The following TRPM7 variants were observed in gnomAD, a reference collection of about 807,000 sequenced individuals.
TRPM7 encodes the protein LTRPC ion channel family member 7.
TRPM7 carries 134 observed loss-of-function variants against 229.7 expected under a neutral mutation model. That is an observed-to-expected ratio of 0.58 (90% CI 0.51 to 0.67). TRPM7 has a LOEUF of 0.67. Among genes scored for constraint, TRPM7 ranks in the 30% least tolerant of loss-of-function variants. The pLI is 0.00. For synonymous variants in TRPM7, 699 were observed against 715.2 expected, an observed-to-expected ratio of 0.98 and a Z score of 0.36; for missense variants, 1,901 against 2,210.0, an observed-to-expected ratio of 0.86 and a Z score of 2.80.
intron 12 of TRPM7, among the ~76,000 whole-genome samples, chr15:50,620,978 T>G (rs2060381642): frequency 6.8e-6 from 1 of 147,566 alleles, no homozygotes; most frequent in South Asian, 2.2e-4. Flanking sequence ...GCTAACACGG[T>G]GAAACCCCGT....
chr15:50,562,840 TG>T (rs1236291762), intron 38 of TRPM7, among the ~76,000 whole-genome samples: 3 of 150,392 alleles, frequency 2.0e-5, no homozygotes, highest in Non-Finnish European at 3.0e-5. Flanking sequence ...AGATGGAAGA[TG>T]GTATAGGGTG....
chr15:50,604,554 G>A (rs1407993967), intron 21 of TRPM7: 1 of 159,592 alleles, frequency 6.3e-6, no homozygotes, highest in Non-Finnish European at 1.3e-5. Context: ...CTGGGTGACA[G>A]AGCGAAACTC....
intron 12 of TRPM7, among the ~76,000 whole-genome samples, chr15:50,620,144 T>C (rs539001879): frequency 3.3e-5 from 5 of 152,348 alleles, no homozygotes; most frequent in African/African-American, 1.2e-4. Flanking sequence ...CTGTCACTAA[T>C]AAAGTCATAT....
chr15:50,592,327 G>A lies in TRPM7; in HGVS notation c.3908C>T (p.Pro1303Leu). The change falls in exon 26 of 39, where the codon CCT becomes CTT. Residue 1303 changes from proline to leucine, a missense_variant. By Grantham distance (98) the Pro-to-Leu change is moderately conservative. Transcript: ENST00000646667. The part of the protein sequence containing the change: ...GVVNTLSSSL[P>L]QGDLESNNPF... The stretch of plus-strand genomic sequence containing the variant: ...ATTATTACTTTCAAGATCACCTTGA[G>A]GAAGAGAGGAGCTAAGTGTATTTAC... 6.2e-7 allele frequency: 1 copy of A among 1,613,994 alleles called. No individual in the cohort carries two copies.
intron 20 of TRPM7, 147 bp downstream of exon 20, chr15:50,607,053 G>T: frequency 1.8e-6 from 1 of 565,336 alleles, no homozygotes; most frequent in Non-Finnish European, 2.9e-6. Context: ...CCATTATTTT[G>T]GGAACAGCAA....
At position 50,605,150 on chromosome 15, in the gene TRPM7, G is replaced by T; in HGVS notation, c.2710-6C>A. The T allele has an allele frequency of 6.4e-7, 1 of 1,565,860 alleles. No individual in the cohort carries two copies. On this transcript the variant is annotated splice_polypyrimidine_tract_variant and splice_region_variant and intron_variant, in intron 20 of 38. Transcript: ENST00000646667. Reference sequence around the variant, plus strand: ...CCAGCTTCAGACATAAAGATCTAAAGGTTTAACAACAACAAAAAAAAGTGT... The same window carrying T: ...CCAGCTTCAGACATAAAGATCTAAATGTTTAACAACAACAAAAAAAAGTGT...
intron 21 of TRPM7, among the ~76,000 whole-genome samples, chr15:50,600,054 TATA>T (rs1342686140): frequency 2.0e-5 from 3 of 152,238 alleles, no homozygotes; most frequent in African/African-American, 7.2e-5. Flanking sequence ...AGCAGAATGC[TATA>T]ATAAAACTTC....
intron 1 of TRPM7, among the ~76,000 whole-genome samples, chr15:50,677,381 G>A (rs900778368): frequency 2.6e-5 from 4 of 151,946 alleles, no homozygotes; most frequent in Non-Finnish European, 5.9e-5. Context: ...CTCGGGGAGC[G>A]AGGGAGATCA....
intron 17 of TRPM7, 98 bp from the exon 18 acceptor site, chr15:50,610,059 A>G: frequency 5.3e-6 from 5 of 937,622 alleles, no homozygotes; most frequent in South Asian, 2.4e-5. Flanking sequence ...AAGATTTTAA[A>G]TATCTTGTGA....
intron 11 of TRPM7, 113 bp downstream of exon 11, chr15:50,628,036 T>C: frequency 1.4e-6 from 1 of 738,756 alleles, no homozygotes; most frequent in Non-Finnish European, 2.3e-6. Flanking sequence ...GCTAAACTAT[T>C]TTTGAACTAT....
intron 7 of TRPM7, 55 bp downstream of exon 7, chr15:50,637,367 C>CTA: frequency 6.6e-7 from 1 of 1,512,584 alleles, no homozygotes. Context: ...TTGAATTTGG[C>CTA]TATTAGTACA....
chr15:50,589,154 T>A (rs192760652), intron 27 of TRPM7, among the ~76,000 whole-genome samples: 76 of 152,124 alleles, frequency 5.0e-4, no homozygotes, highest in Non-Finnish European at 8.2e-4. Context: ...AAACCTCATC[T>A]CTACTAAAAA....
intron 4 of TRPM7, 88 bp downstream of exon 4, chr15:50,648,599 C>T: frequency 1.6e-6 from 2 of 1,222,168 alleles, no homozygotes; most frequent in Non-Finnish European, 2.2e-6. Flanking sequence ...TTACTGAGAC[C>T]AACTTTTTGT....
At chr15:50,658,491 G>C (rs1158409506) in intron 2 of TRPM7, among the ~76,000 whole-genome samples, 3 of 151,116 alleles carry the variant, frequency 2.0e-5, no homozygotes, top group African/African-American at 7.3e-5. Flanking sequence ...GATTCCTTGA[G>C]CATGGGAGGT....
intron 27 of TRPM7, among the ~76,000 whole-genome samples, chr15:50,587,740 GA>G (rs1270677267): frequency 6.6e-6 from 1 of 151,954 alleles, no homozygotes; most frequent in Admixed American, 6.6e-5. Context: ...TTTGTGTAAA[GA>G]AAAAGAAAAT....
At chr15:50,650,609 C>T (rs1208407341) in intron 3 of TRPM7, among the ~76,000 whole-genome samples, 2 of 151,926 alleles carry the variant, frequency 1.3e-5, no homozygotes, top group Non-Finnish European at 2.9e-5. Context: ...GCAGGAGAAT[C>T]GCTTGAACCT....
chr15:50,672,291 C>G (rs7170445), intron 1 of TRPM7, among the ~76,000 whole-genome samples: 20,913 of 151,814 alleles, frequency 0.14, 1,454 homozygotes, highest in Middle Eastern at 0.2. Flanking sequence ...GACCTCGTGA[C>G]GTGATCCGCC....
chr15:50,659,259 A>G (rs1310646613), intron 2 of TRPM7, among the ~76,000 whole-genome samples: 2 of 152,078 alleles, frequency 1.3e-5, no homozygotes, highest in Non-Finnish European at 2.9e-5. Context: ...AGTGGGCTAC[A>G]CTATATATTT....
intron 22 of TRPM7, 143 bp downstream of exon 22, chr15:50,598,979 T>G: frequency 1.6e-6 from 1 of 620,816 alleles, no homozygotes. Flanking sequence ...TGTATGTTTC[T>G]TCTGGAGTTC....
Sources: gnomAD v4.1 joint callset for allele counts (sites outside exome capture counted in the v4.1 genomes callset) on GRCh38, gnomAD v4.1.1 for gene constraint, MANE v1.5 for transcripts, NCBI Gene and HGNC (gene_info 2026-07-23, HGNC 2026-07-21) for gene names.